The following DTNA variants were observed in gnomAD, a reference collection of about 807,000 sequenced individuals.
DTNA encodes dystrobrevin alpha.
A neutral mutation model predicts 100.7 loss-of-function variants in DTNA; 43 were observed. The observed-to-expected ratio is 0.43, with a 90% CI of 0.33 to 0.55. DTNA has a LOEUF of 0.55. Ranked by LOEUF, DTNA falls within the 20% of genes least tolerant of loss-of-function variation. The pLI is 0.04. For missense variants in DTNA, 798 were observed against 953.9 expected (o/e 0.84, Z 2.15); for synonymous variants, 349 against 347.9 (o/e 1.00, Z -0.04).
intron 1 of DTNA, among the ~76,000 whole-genome samples, chr18:34,628,752 T>G (rs1039972472): frequency 2.6e-5 from 4 of 152,220 alleles, no homozygotes; most frequent in African/African-American, 9.6e-5. Context: ...TTACAAACTC[T>G]GTACATTCTT....
intron 1 of DTNA, among the ~76,000 whole-genome samples, chr18:34,584,433 A>G (rs1253999618): frequency 1.3e-5 from 2 of 152,240 alleles, no homozygotes; most frequent in Admixed American, 6.5e-5. Flanking sequence ...GAAACTAAAC[A>G]TGGTGCTATG....
In DTNA at chr18:34,890,375, G is replaced by T. The variant is rs1453242303; in HGVS notation, c.*2641G>T. The T allele has an allele frequency of 1.1e-5, 17 of 1,536,068 alleles. No individual in the cohort carries two copies. In the South Asian group the frequency reaches 1.8e-4, roughly 16 times the overall value. ...GACAAAATGGCGTGTGTTATTTTGG[G>T]GTTTTGTGTTTTTTGGTGGGTTTCT... On this transcript the variant is annotated 3_prime_UTR_variant, in exon 23 of 23. Transcript: ENST00000444659.
intron 1 of DTNA, among the ~76,000 whole-genome samples, chr18:34,554,940 A>C (rs1319995675): frequency 3.4e-5 from 5 of 144,976 alleles, no homozygotes; most frequent in South Asian, 2.2e-4. Context: ...GAATAGTTTC[A>C]GAAGGAATGG....
intron 1 of DTNA, among the ~76,000 whole-genome samples, chr18:34,505,257 G>A (rs183403682): frequency 1.3e-5 from 2 of 152,044 alleles, no homozygotes; most frequent in African/African-American, 2.4e-5. Flanking sequence ...CTCTGTCATC[G>A]TATCTCCTAC....
intron 1 of DTNA, among the ~76,000 whole-genome samples, chr18:34,563,451 A>G (rs1214537542): frequency 6.6e-6 from 1 of 152,228 alleles, no homozygotes; most frequent in Non-Finnish European, 1.5e-5. Flanking sequence ...GTTTAAAGCC[A>G]ACCAGTTTTT....
At chr18:34,609,828 G>T (rs2053884228) in intron 1 of DTNA, among the ~76,000 whole-genome samples, 1 of 152,060 alleles carries the variant, frequency 6.6e-6, no homozygotes, top group East Asian at 1.9e-4. Flanking sequence ...TGTCTTGTAT[G>T]TTTTAACAAT....
chr18:34,670,858 A>G (rs992679374), intron 1 of DTNA, among the ~76,000 whole-genome samples: 1 of 152,116 alleles, frequency 6.6e-6, no homozygotes, highest in African/African-American at 2.4e-5. Context: ...CAGATAGGCT[A>G]CTCGGGGGTC....
intron 1 of DTNA, among the ~76,000 whole-genome samples, chr18:34,696,583 T>TA (rs1568243954): frequency 6.6e-6 from 1 of 151,556 alleles, no homozygotes; most frequent in Non-Finnish European, 1.5e-5. Flanking sequence ...TCTCAAAAAA[T>TA]AAAAAAATAA....
At chr18:34,850,887 T>C (rs1469916617) in intron 14 of DTNA, among the ~76,000 whole-genome samples, 1 of 152,186 alleles carries the variant, frequency 6.6e-6, no homozygotes, top group Non-Finnish European at 1.5e-5. Flanking sequence ...GAGAAAGCTG[T>C]GACTGCATGT....
intron 9 of DTNA, among the ~76,000 whole-genome samples, chr18:34,825,818 A>G (rs2095847115): frequency 6.6e-6 from 1 of 152,210 alleles, no homozygotes; most frequent in South Asian, 2.1e-4. Context: ...TTTTTAAAAA[A>G]AGACAAAATC....
chr18:34,829,629 G>A, intron 11 of DTNA, 140 bp downstream of exon 11: 1 of 913,464 alleles, frequency 1.1e-6, no homozygotes, highest in Non-Finnish European at 1.5e-6. Context: ...ATGAAATTGT[G>A]TTGAGACTTT....
intron 1 of DTNA, among the ~76,000 whole-genome samples, chr18:34,718,268 G>A (rs1204056137): frequency 1.3e-5 from 2 of 152,178 alleles, no homozygotes. Flanking sequence ...GTTTGGGGAT[G>A]TAATGTAACT....
chr18:34,791,289 A>C (rs2094729353), intron 3 of DTNA, among the ~76,000 whole-genome samples: 1 of 152,080 alleles, frequency 6.6e-6, no homozygotes, highest in South Asian at 2.1e-4. Flanking sequence ...TTCCCAGTCC[A>C]TGCTCCTCTC....
chr18:34,494,323 G>C (rs1397566382), intron 1 of DTNA, among the ~76,000 whole-genome samples: 5 of 150,988 alleles, frequency 3.3e-5, no homozygotes, highest in Non-Finnish European at 7.4e-5. Flanking sequence ...TGCGGTGCCC[G>C]GGCCGATGCC....
At chr18:34,551,149 T>C (rs2045366084) in intron 1 of DTNA, among the ~76,000 whole-genome samples, 1 of 152,202 alleles carries the variant, frequency 6.6e-6, no homozygotes, top group Non-Finnish European at 1.5e-5. Context: ...ATCTGTCTTG[T>C]CAACCATAAA....
chr18:34,754,373 G>A (rs2092625512), intron 1 of DTNA, among the ~76,000 whole-genome samples: 1 of 152,072 alleles, frequency 6.6e-6, no homozygotes, highest in Admixed American at 6.6e-5. Context: ...CACTTCTATG[G>A]CTATAATTAC....
At chr18:34,797,273 G>A (rs919324918) in intron 4 of DTNA, among the ~76,000 whole-genome samples, 1 of 152,082 alleles carries the variant, frequency 6.6e-6, no homozygotes, top group Non-Finnish European at 1.5e-5. Flanking sequence ...ATCTCTCCAC[G>A]GCCAGAGGTT....
intron 1 of DTNA, among the ~76,000 whole-genome samples, chr18:34,621,162 CAAAT>C (rs1254650580): frequency 2.0e-5 from 3 of 147,626 alleles, no homozygotes; most frequent in Non-Finnish European, 4.5e-5. Context: ...ATATATATTA[CAAAT>C]AAATATATAT....
At chr18:34,670,744 C>A (rs2076629308) in intron 1 of DTNA, among the ~76,000 whole-genome samples, 1 of 152,186 alleles carries the variant, frequency 6.6e-6, no homozygotes, top group Non-Finnish European at 1.5e-5. Context: ...GCGGATATTG[C>A]TGAATAGCAG....
Sources: gnomAD v4.1 joint callset for allele counts (sites outside exome capture counted in the v4.1 genomes callset) on GRCh38, gnomAD v4.1.1 for gene constraint, MANE v1.5 for transcripts, NCBI Gene and HGNC (gene_info 2026-07-23, HGNC 2026-07-21) for gene names.